FAM162A: variants seen among roughly 807,000 people sequenced by gnomAD.
FAM162A encodes protein FAM162A.
A neutral mutation model predicts 21.8 loss-of-function variants in FAM162A; 23 were observed. That is an observed-to-expected ratio of 1.05 (90% confidence interval 0.76 to 1.49). FAM162A has a LOEUF of 1.49. Ranked by LOEUF, FAM162A falls within the 40% of genes most tolerant of loss-of-function variation. The pLI, the probability that FAM162A is intolerant of heterozygous loss-of-function variation, is 0.00. For synonymous variants in FAM162A, 53 were observed against 61.3 expected, an observed-to-expected ratio of 0.86 and a Z score of 0.64; for missense variants, 165 against 186.4, an observed-to-expected ratio of 0.89 and a Z score of 0.67.
chr3:122,409,930 T>C lies in FAM162A; in HGVS notation c.*99T>C, dbSNP rs904707505. ...TGGTATGAGGATCCATTTCATAAAG[T>C]ATGATTTGCCCAAACCTGTACCATT... On this transcript the variant is annotated 3_prime_UTR_variant, in exon 5 of 5. Coordinates refer to ENST00000477892, the MANE Select transcript of FAM162A (RefSeq NM_014367.4). 4.8e-6 allele frequency: 5 copies of C among 1,047,608 alleles called. No homozygotes were observed. The East Asian group carries it at 1.2e-4, about 26-fold the overall frequency. The allele number at this position is 1,047,608 out of a possible 1,614,324, so 64.9% of individuals were successfully genotyped here.
At chr3:122,408,508 T>C (rs2075687310) in intron 4 of FAM162A, among the ~76,000 whole-genome samples, 1 of 152,218 alleles carries the variant, frequency 6.6e-6, no homozygotes, top group Non-Finnish European at 1.5e-5. Flanking sequence ...TTTGGCTGTC[T>C]TCATTCTTGC....
intron 4 of FAM162A, 33 bp from the exon 5 acceptor site, chr3:122,409,706 A>G (rs780292386): frequency 6.2e-7 from 1 of 1,600,212 alleles, no homozygotes; most frequent in South Asian, 1.1e-5. Flanking sequence ...TGACCAGCAT[A>G]CAAATCACCT....
In FAM162A at chr3:122,407,359, A is replaced by G. The variant is rs975578844; in HGVS notation, c.342A>G (p.Gly114=). 6.2e-7 allele frequency: 1 copy of G among 1,613,948 alleles called. No homozygotes were observed. The highest frequency in any genetic ancestry group is 8.5e-7 in the Non-Finnish European group (1 of 1,179,960). ...TAATGATTGCCCTGACGGTGGTAGG[A>G]TGCATCTTCATGGTTATTGAGGGCA... ...SYLMIALTVV[G]CIFMVIEGKK... The change falls in exon 4 of 5, where the codon GGA becomes GGG. Residue 114 remains glycine (G), a synonymous_variant. Coordinates refer to ENST00000477892, the MANE Select transcript of FAM162A (RefSeq NM_014367.4).
At chr3:122,404,977 C>T (rs1374976631) in intron 3 of FAM162A, among the ~76,000 whole-genome samples, 1 of 152,116 alleles carries the variant, frequency 6.6e-6, no homozygotes, top group Non-Finnish European at 1.5e-5. Context: ...TGGCAGCATC[C>T]CCGGCTTCTG....
chr3:122,399,792 C>T (rs1335278053), intron 1 of FAM162A, among the ~76,000 whole-genome samples: 1 of 152,096 alleles, frequency 6.6e-6, no homozygotes, highest in Non-Finnish European at 1.5e-5. Context: ...CACAGCATCC[C>T]TTATTTTTTG....
chr3:122,404,413 A>G, intron 3 of FAM162A, 50 bp downstream of exon 3: 3 of 1,021,570 alleles, frequency 2.9e-6, no homozygotes, highest in Non-Finnish European at 4.4e-6. Flanking sequence ...TCACTGATCT[A>G]AGGGAAAAGC....
chr3:122,397,036 A>T lies in FAM162A; in HGVS notation c.35-5724A>T, dbSNP rs150133055. Among the ~76,000 whole-genome samples the T allele has an allele frequency of 8.5e-3, 1,296 of 152,326 alleles. 6 individuals carry two copies. The highest frequency in any genetic ancestry group is 0.014 in the Non-Finnish European group (950 of 68,020). ...GTCTTCTGGAATTAGTGATCAATACACAACTTAGTGAATATATGAAAACCA... is the reference window on the plus strand; with the variant it reads ...GTCTTCTGGAATTAGTGATCAATACTCAACTTAGTGAATATATGAAAACCA... On this transcript the variant is annotated intron_variant, in intron 1 of 4. Transcript: ENST00000477892.
At chr3:122,409,642 C>T in intron 4 of FAM162A, 97 bp from the exon 5 acceptor site, 1 of 1,022,936 alleles carries the variant, frequency 9.8e-7, no homozygotes, top group Non-Finnish European at 1.5e-6. Flanking sequence ...GACTCCATGC[C>T]TCCATGCCTC....
intron 1 of FAM162A, among the ~76,000 whole-genome samples, chr3:122,399,861 T>C (rs1167414938): frequency 6.6e-6 from 1 of 152,132 alleles, no homozygotes; most frequent in Non-Finnish European, 1.5e-5. Flanking sequence ...CCCAGCACTT[T>C]GGGAGGCTGA....
chr3:122,389,194 C>T lies in FAM162A; in HGVS notation c.34+4895C>T, dbSNP rs74819082. On this transcript the variant is annotated intron_variant, in intron 1 of 4. Transcript: ENST00000477892. Reference sequence around the variant, plus strand: ...AAGTAGTAGATACATGCCATTTATTCAATCATTTGAGCTATGAAAAAGAGG... The same window carrying T: ...AAGTAGTAGATACATGCCATTTATTTAATCATTTGAGCTATGAAAAAGAGG... Among the ~76,000 whole-genome samples, 374 of 152,192 alleles carry T rather than the reference C, an allele frequency of 2.5e-3. 8 individuals carry two copies. The East Asian group carries it at 0.057, about 23-fold the overall frequency.
intron 1 of FAM162A, among the ~76,000 whole-genome samples, chr3:122,388,325 G>A (rs192090543): frequency 3.9e-5 from 6 of 152,276 alleles, no homozygotes; most frequent in Middle Eastern, 3.4e-3. Flanking sequence ...AATCAGAAAC[G>A]CCATCAAAGA....
At chr3:122,386,948 A>C (rs2075577152) in intron 1 of FAM162A, among the ~76,000 whole-genome samples, 1 of 152,168 alleles carries the variant, frequency 6.6e-6, no homozygotes, top group Non-Finnish European at 1.5e-5. Flanking sequence ...ATGCTCTTTA[A>C]GTTAAAAAGC....
intron 1 of FAM162A, among the ~76,000 whole-genome samples, chr3:122,388,573 A>G (rs960677758): frequency 5.9e-5 from 9 of 152,192 alleles, no homozygotes; most frequent in Non-Finnish European, 1.2e-4. Context: ...GGTGTAAATA[A>G]TAGGAACTGG....
At chr3:122,387,144 C>T (rs1321515954) in intron 1 of FAM162A, among the ~76,000 whole-genome samples, 2 of 152,114 alleles carry the variant, frequency 1.3e-5, no homozygotes, top group Non-Finnish European at 2.9e-5. Flanking sequence ...GAACATGCTG[C>T]AAATGTAAGG....
chr3:122,397,283 A>G (rs1313397489), intron 1 of FAM162A, among the ~76,000 whole-genome samples: 1 of 152,096 alleles, frequency 6.6e-6, no homozygotes, highest in Non-Finnish European at 1.5e-5. Flanking sequence ...CTCTGTAACC[A>G]TATTTTACTC....
At chr3:122,405,293 T>C (rs562520745) in intron 3 of FAM162A, among the ~76,000 whole-genome samples, 3 of 152,336 alleles carry the variant, frequency 2.0e-5, no homozygotes, top group Non-Finnish European at 4.4e-5. Context: ...CAAGTCATGA[T>C]TGAAAAAGAT....
At chr3:122,409,677 A>G (rs920934709) in intron 4 of FAM162A, 62 bp from the exon 5 acceptor site, 20 of 1,439,066 alleles carry the variant, frequency 1.4e-5, no homozygotes, top group Non-Finnish European at 2.0e-5. Context: ...CATCAGTGCA[A>G]GGTAAAGACA....
intron 4 of FAM162A, among the ~76,000 whole-genome samples, chr3:122,408,780 G>A (rs1258243339): frequency 6.6e-6 from 1 of 152,184 alleles, no homozygotes; most frequent in African/African-American, 2.4e-5. Context: ...AAATACTCCA[G>A]AAGCAAATTA....
intron 1 of FAM162A, among the ~76,000 whole-genome samples, chr3:122,390,742 T>G (rs1397771755): frequency 1.3e-5 from 2 of 152,236 alleles, no homozygotes; most frequent in African/African-American, 4.8e-5. Context: ...CTGTCCATAC[T>G]GACTGTATCA....
Sources: gnomAD v4.1 joint callset for allele counts (sites outside exome capture counted in the v4.1 genomes callset) on GRCh38, gnomAD v4.1.1 for gene constraint, MANE v1.5 for transcripts, NCBI Gene and HGNC (gene_info 2026-07-23, HGNC 2026-07-21) for gene names.